The following LDLRAD4 variants were observed in gnomAD, a reference collection of about 807,000 sequenced individuals.
LDLRAD4 encodes the protein low-density lipoprotein receptor class A domain-containing protein 4.
A neutral mutation model predicts 17.0 loss-of-function variants in LDLRAD4; 5 were observed. That is an observed-to-expected ratio of 0.29 (90% CI 0.15 to 0.62). The LOEUF (loss-of-function observed/expected upper bound fraction) is 0.62, where lower values mean the gene tolerates loss of function less well. Ranked by LOEUF, LDLRAD4 falls within the 20% of genes least tolerant of loss-of-function variation. The probability of loss-of-function intolerance (pLI) is 0.84; values close to 1 mark genes in which losing one functional copy is unlikely to be tolerated. For synonymous variants in LDLRAD4, 168 were observed against 171.8 expected (o/e 0.98, Z 0.17); for missense variants, 340 against 424.7 (o/e 0.80, Z 1.75).
chr18:13,612,405 C>T (rs1436616896), intron 3 of LDLRAD4: 6 of 1,215,076 alleles, frequency 4.9e-6, no homozygotes. Context: ...CTTCCTGCCG[C>T]AGAGCTCCTG....
chr18:13,430,649 T>C (rs2090272519), intron 2 of LDLRAD4, among the ~76,000 whole-genome samples: 1 of 152,374 alleles, frequency 6.6e-6, no homozygotes, highest in South Asian at 2.1e-4. Flanking sequence ...AGCTGGACTT[T>C]CTGATACACA....
intron 2 of LDLRAD4, among the ~76,000 whole-genome samples, chr18:13,427,150 C>T (rs1027689858): frequency 6.6e-6 from 1 of 152,140 alleles, no homozygotes; most frequent in African/African-American, 2.4e-5. Context: ...TGCGCCACTG[C>T]ACTCCAGCCT....
At chr18:13,470,514 G>A (rs2092738981) in intron 3 of LDLRAD4, among the ~76,000 whole-genome samples, 1 of 148,860 alleles carries the variant, frequency 6.7e-6, no homozygotes, top group Non-Finnish European at 1.5e-5. Flanking sequence ...ATGTCCTGGA[G>A]CCCTGAGCCC....
intron 1 of LDLRAD4, among the ~76,000 whole-genome samples, chr18:13,269,670 T>C (rs1464495810): frequency 6.6e-6 from 1 of 152,200 alleles, no homozygotes; most frequent in East Asian, 1.9e-4. Context: ...TCCGACGTCA[T>C]GTGCTCACAC....
chr18:13,286,575 G>A (rs997855943), intron 1 of LDLRAD4, among the ~76,000 whole-genome samples: 8 of 152,300 alleles, frequency 5.3e-5, no homozygotes, highest in African/African-American at 1.9e-4. Flanking sequence ...GTCTCACTAT[G>A]TTGCCCGGGC....
chr18:13,291,480 G>A (rs767522517), intron 1 of LDLRAD4, among the ~76,000 whole-genome samples: 9 of 152,120 alleles, frequency 5.9e-5, no homozygotes, highest in Non-Finnish European at 1.0e-4. Context: ...TGTGATGATC[G>A]GGCTGTGGTT....
At chr18:13,487,169 C>T (rs1172932127) in intron 3 of LDLRAD4, 1 of 152,200 alleles carries the variant, frequency 6.6e-6, no homozygotes, top group African/African-American at 2.4e-5. Flanking sequence ...CAACCATGAT[C>T]CAGTTCAGAA....
chr18:13,313,344 A>C (rs1685255782), intron 1 of LDLRAD4, among the ~76,000 whole-genome samples: 1 of 152,168 alleles, frequency 6.6e-6, no homozygotes, highest in Non-Finnish European at 1.5e-5. Flanking sequence ...CTCTGACTGC[A>C]AGAAACCAAT....
intron 1 of LDLRAD4, among the ~76,000 whole-genome samples, chr18:13,381,088 T>TTTTTTTAAGAGACAGGGTCTTGCTA (rs1422040522): frequency 6.7e-6 from 1 of 150,374 alleles, no homozygotes. Context: ...TTTTTTTTTT[T>TTTTTTTAAGAGACAGGGTCTTGCTA]TTTTGAAGAG....
chr18:13,553,681 G>T (rs925015683), intron 3 of LDLRAD4, among the ~76,000 whole-genome samples: 2 of 152,116 alleles, frequency 1.3e-5, no homozygotes, highest in South Asian at 4.2e-4. Flanking sequence ...TTCCTGATGC[G>T]GGCTTCCTGG....
intron 3 of LDLRAD4, among the ~76,000 whole-genome samples, chr18:13,498,987 TC>T (rs2093551715): frequency 1.1e-5 from 1 of 90,246 alleles, no homozygotes; most frequent in Admixed American, 1.1e-4. Flanking sequence ...AGAATCCATC[TC>T]CACACACGTC....
intron 3 of LDLRAD4, among the ~76,000 whole-genome samples, chr18:13,466,961 T>C (rs1485843676): frequency 6.6e-6 from 1 of 152,208 alleles, no homozygotes; most frequent in South Asian, 2.1e-4. Context: ...TATCCTCACA[T>C]TGGTAATTAG....
At chr18:13,299,439 A>G (rs1390257526) in intron 1 of LDLRAD4, among the ~76,000 whole-genome samples, 1 of 152,160 alleles carries the variant, frequency 6.6e-6, no homozygotes, top group African/African-American at 2.4e-5. Context: ...GGGGCCAGAC[A>G]CCTATGGAAC....
At chr18:13,581,078 C>T (rs912087504) in intron 3 of LDLRAD4, among the ~76,000 whole-genome samples, 10 of 151,918 alleles carry the variant, frequency 6.6e-5, no homozygotes, top group Non-Finnish European at 1.5e-4. Flanking sequence ...GGGATGGGGC[C>T]CAAGCCTGAA....
chr18:13,342,783 T>A (rs879175444), intron 1 of LDLRAD4, among the ~76,000 whole-genome samples: 13 of 151,914 alleles, frequency 8.6e-5, no homozygotes, highest in African/African-American at 2.4e-4. Flanking sequence ...TCTTTTTTTT[T>A]AATTTTTTAT....
chr18:13,284,514 G>A (rs1044073720), intron 1 of LDLRAD4, among the ~76,000 whole-genome samples: 8 of 152,160 alleles, frequency 5.3e-5, no homozygotes, highest in Non-Finnish European at 8.8e-5. Flanking sequence ...AAAATTTTGT[G>A]GGGGAGGCCA....
chr18:13,527,557 A>C (rs935000299), intron 3 of LDLRAD4, among the ~76,000 whole-genome samples: 2 of 152,212 alleles, frequency 1.3e-5, no homozygotes, highest in African/African-American at 4.8e-5. Flanking sequence ...CCCAGCCTGC[A>C]GTCCCTCACC....
intron 3 of LDLRAD4, among the ~76,000 whole-genome samples, chr18:13,549,131 G>C (rs376573241): frequency 1.3e-4 from 20 of 152,286 alleles, no homozygotes; most frequent in African/African-American, 4.6e-4. Context: ...GGGTGGGCTG[G>C]TTGAGATGGC....
chr18:13,265,860 C>G (rs1440119351), intron 1 of LDLRAD4, among the ~76,000 whole-genome samples: 2 of 152,152 alleles, frequency 1.3e-5, no homozygotes, highest in African/African-American at 4.8e-5. Context: ...TCCTCAGCCC[C>G]CTCCTCACTA....
Sources: allele counts gnomAD v4.1 joint callset (sites outside exome capture counted in the v4.1 genomes callset), GRCh38; gene constraint gnomAD v4.1.1; transcripts MANE v1.5; gene names NCBI Gene and HGNC (gene_info 2026-07-23, HGNC 2026-07-21).